VEPH1: variants seen among roughly 807,000 people sequenced by gnomAD.
VEPH1 encodes ventricular zone-expressed PH domain-containing protein homolog 1.
Under a neutral mutation model 85.2 loss-of-function variants are expected in VEPH1, and 80 were observed. That is an observed-to-expected ratio of 0.94 (90% confidence interval 0.78 to 1.13). The LOEUF (loss-of-function observed/expected upper bound fraction) is 1.13, where lower values mean the gene tolerates loss of function less well. VEPH1 is among the 50% of genes most tolerant of loss of function. The pLI, the probability that VEPH1 is intolerant of heterozygous loss-of-function variation, is 0.00. For missense variants in VEPH1, 955 were observed against 980.5 expected, an observed-to-expected ratio of 0.97 and a Z score of 0.35; for synonymous variants, 297 against 348.0, an observed-to-expected ratio of 0.85 and a Z score of 1.63.
intron 10 of VEPH1, among the ~76,000 whole-genome samples, chr3:157,314,159 C>T (rs781325057): frequency 9.3e-5 from 14 of 151,238 alleles, no homozygotes; most frequent in Non-Finnish European, 1.5e-4. Flanking sequence ...AGTGAAACCC[C>T]GTCTCTACTA....
At chr3:157,362,952 A>C (rs1468077951) in intron 9 of VEPH1, among the ~76,000 whole-genome samples, 1 of 152,188 alleles carries the variant, frequency 6.6e-6, no homozygotes, top group Non-Finnish European at 1.5e-5. Context: ...ACAGTAGCTG[A>C]ATGGAAGCTG....
At chr3:157,459,073 C>A (rs1336253520) in intron 4 of VEPH1, among the ~76,000 whole-genome samples, 1 of 152,204 alleles carries the variant, frequency 6.6e-6, no homozygotes, top group East Asian at 1.9e-4. Context: ...GGCTAGTGTT[C>A]TTTCCCATCC....
intron 4 of VEPH1, among the ~76,000 whole-genome samples, chr3:157,429,860 T>G (rs963984147): frequency 2.0e-5 from 3 of 152,156 alleles, no homozygotes; most frequent in Non-Finnish European, 2.9e-5. Flanking sequence ...GTAGTTGCAG[T>G]CTAAGACAGG....
At chr3:157,294,318 C>T (rs1717864399) in intron 11 of VEPH1, among the ~76,000 whole-genome samples, 2 of 152,290 alleles carry the variant, frequency 1.3e-5, no homozygotes, top group South Asian at 4.1e-4. Context: ...TATAAGTATT[C>T]ACCTTTTGGG....
intron 2 of VEPH1, 59 bp from the exon 3 acceptor site, chr3:157,470,588 ACAAAATAC>A: frequency 6.5e-7 from 1 of 1,541,380 alleles, no homozygotes; most frequent in Non-Finnish European, 9.0e-7. Flanking sequence ...CCTTCAAAGG[ACAAAATAC>A]TAACTCAGTC....
chr3:157,303,373 G>C (rs957150273), intron 11 of VEPH1, among the ~76,000 whole-genome samples: 1 of 152,108 alleles, frequency 6.6e-6, no homozygotes, highest in African/African-American at 2.4e-5. Context: ...ATGATTGTTT[G>C]TTTAGTCTCT....
intron 3 of VEPH1, among the ~76,000 whole-genome samples, chr3:157,465,883 A>G (rs1008002889): frequency 4.6e-5 from 7 of 152,218 alleles, no homozygotes; most frequent in African/African-American, 1.7e-4. Context: ...TCATGCAGTC[A>G]TCAACAGTGG....
At chr3:157,271,887 G>C (rs1241935302) in intron 12 of VEPH1, among the ~76,000 whole-genome samples, 1 of 152,106 alleles carries the variant, frequency 6.6e-6, no homozygotes, top group African/African-American at 2.4e-5. Flanking sequence ...ATAAAAAGTG[G>C]AAACTGTATT....
At chr3:157,498,248 TA>T (rs1739830229) in intron 1 of VEPH1, among the ~76,000 whole-genome samples, 1 of 152,204 alleles carries the variant, frequency 6.6e-6, no homozygotes, top group African/African-American at 2.4e-5. Flanking sequence ...ATAGGACCTT[TA>T]GTTCATGTTG....
At chr3:157,313,596 C>T in intron 11 of VEPH1, 25 bp downstream of exon 11, 1 of 1,610,584 alleles carries the variant, frequency 6.2e-7, no homozygotes, top group Non-Finnish European at 8.5e-7. Context: ...TGGCCTGTAA[C>T]ATGGCCAAGG....
At chr3:157,426,508 C>T (rs867952119) in intron 5 of VEPH1, among the ~76,000 whole-genome samples, 3 of 152,190 alleles carry the variant, frequency 2.0e-5, no homozygotes, top group South Asian at 2.1e-4. Flanking sequence ...TTTCCCATCA[C>T]ATTAGCTATA....
intron 5 of VEPH1, among the ~76,000 whole-genome samples, chr3:157,419,475 AAAAC>A (rs1487961194): frequency 6.6e-6 from 1 of 152,166 alleles, no homozygotes; most frequent in Non-Finnish European, 1.5e-5. Context: ...CATTTACAAG[AAAAC>A]AAACAAACAT....
intron 9 of VEPH1, among the ~76,000 whole-genome samples, chr3:157,329,375 A>C (rs1343090603): frequency 2.0e-5 from 3 of 152,246 alleles, no homozygotes; most frequent in African/African-American, 7.2e-5. Context: ...TCAAGGAAAT[A>C]AATTGCCTCT....
At chr3:157,485,801 T>C (rs1177502737) in intron 2 of VEPH1, among the ~76,000 whole-genome samples, 1 of 151,828 alleles carries the variant, frequency 6.6e-6, no homozygotes, top group Non-Finnish European at 1.5e-5. Flanking sequence ...AAGGTAAAAG[T>C]AAAAAGACAG....
At chr3:157,401,076 G>A (rs771326335) in intron 6 of VEPH1, among the ~76,000 whole-genome samples, 1 of 152,014 alleles carries the variant, frequency 6.6e-6, no homozygotes, top group Non-Finnish European at 1.5e-5. Flanking sequence ...CTTTAGAATT[G>A]AAAAATTTCT....
chr3:157,395,241 C>A (rs1730253063), intron 6 of VEPH1, among the ~76,000 whole-genome samples: 1 of 152,176 alleles, frequency 6.6e-6, no homozygotes, highest in South Asian at 2.1e-4. Flanking sequence ...AAATCCATAT[C>A]CTGAGTAAGA....
At chr3:157,418,145 T>G (rs1294688917) in intron 5 of VEPH1, among the ~76,000 whole-genome samples, 1 of 152,156 alleles carries the variant, frequency 6.6e-6, no homozygotes, top group Non-Finnish European at 1.5e-5. Context: ...AAGATCTCAG[T>G]TACCTGAACT....
Position 157,428,557 on chromosome 3 carries a change from C to T in VEPH1, c.530-69G>A, listed in dbSNP as rs1577632623. The T allele has an allele frequency of 4.9e-6, 7 of 1,428,140 alleles. No individual in the cohort carries two copies. The Admixed American group carries it at 7.2e-5, about 15-fold the overall frequency. The allele number at this position is 1,428,140 out of a possible 1,614,324, so 88.5% of individuals were successfully genotyped here. On this transcript the variant is annotated intron_variant, in intron 4 of 13. Transcript: ENST00000362010. ...TGAGCAACAGAAATAACATTATTAC[C>T]AATGTAATAATATTTGCACTTACAC...
chr3:157,476,675 C>T (rs996141111), intron 2 of VEPH1, among the ~76,000 whole-genome samples: 2 of 152,148 alleles, frequency 1.3e-5, no homozygotes, highest in Non-Finnish European at 2.9e-5. Context: ...TACTGTATTC[C>T]CTGCAGGTAG....
Sources: allele counts gnomAD v4.1 joint callset (sites outside exome capture counted in the v4.1 genomes callset), GRCh38; gene constraint gnomAD v4.1.1; transcripts MANE v1.5; gene names NCBI Gene and HGNC (gene_info 2026-07-23, HGNC 2026-07-21).